MEIKIN: variants seen among roughly 807,000 people sequenced by gnomAD.
MEIKIN encodes meiosis-specific kinetochore protein.
rs201749437 is a variant in MEIKIN, at chr5:131,886,793, T to A, written c.704-7745A>T. ...AGTGTAATTGTGGTGTGTAAACTACTCTTATCTCTTTATTTTTTATTTTTT... is the reference window on the plus strand; with the variant it reads ...AGTGTAATTGTGGTGTGTAAACTACACTTATCTCTTTATTTTTTATTTTTT... On this transcript the variant is annotated intron_variant, in intron 8 of 12. Coordinates refer to ENST00000442687, the MANE Select transcript of MEIKIN (RefSeq NM_001303622.2). 3.9e-5 allele frequency among the ~76,000 whole-genome samples: 6 copies of A among 152,238 alleles called. No homozygotes were observed. The East Asian group carries it at 1.2e-3, about 29-fold the overall frequency.
intron 8 of MEIKIN, among the ~76,000 whole-genome samples, chr5:131,882,129 G>A (rs1273781958): frequency 6.6e-6 from 1 of 152,036 alleles, no homozygotes; most frequent in Non-Finnish European, 1.5e-5. Flanking sequence ...ATATCTGCCT[G>A]TAAAATATAT....
chr5:131,855,515 G>A (rs936034385), intron 9 of MEIKIN, among the ~76,000 whole-genome samples: 3 of 151,700 alleles, frequency 2.0e-5, no homozygotes, highest in South Asian at 4.2e-4. Flanking sequence ...GCGAGGAAGC[G>A]ACAGGCCAAA....
intron 8 of MEIKIN, among the ~76,000 whole-genome samples, chr5:131,885,576 G>A (rs1000217463): frequency 1.3e-5 from 2 of 152,162 alleles, no homozygotes; most frequent in African/African-American, 4.8e-5. Flanking sequence ...TGGGCTTTGG[G>A]TGCCGCCTAA....
chr5:131,843,931 G>A (rs1749964351), intron 11 of MEIKIN, among the ~76,000 whole-genome samples: 1 of 152,160 alleles, frequency 6.6e-6, no homozygotes, highest in African/African-American at 2.4e-5. Flanking sequence ...AACTACCTGA[G>A]ACTGGGTAGT....
At chr5:131,903,969 A>AT (rs1380670686) in intron 8 of MEIKIN, among the ~76,000 whole-genome samples, 1 of 152,158 alleles carries the variant, frequency 6.6e-6, no homozygotes, top group East Asian at 1.9e-4. Flanking sequence ...TTAAAAAAAA[A>AT]CAAAAAAACA....
intron 11 of MEIKIN, among the ~76,000 whole-genome samples, chr5:131,837,911 A>G (rs1749839562): frequency 6.6e-6 from 1 of 152,108 alleles, no homozygotes; most frequent in Admixed American, 6.5e-5. Context: ...AGGAATGGTG[A>G]GAGAGGGCAT....
chr5:131,824,643 A>C (rs1000376025), intron 11 of MEIKIN, among the ~76,000 whole-genome samples: 1 of 152,240 alleles, frequency 6.6e-6, no homozygotes, highest in Non-Finnish European at 1.5e-5. Flanking sequence ...AAGGCTTAAG[A>C]AGCAGAATAG....
At chr5:131,885,705 C>T (rs1446364323) in intron 8 of MEIKIN, among the ~76,000 whole-genome samples, 2 of 152,162 alleles carry the variant, frequency 1.3e-5, no homozygotes, top group Non-Finnish European at 2.9e-5. Context: ...GCTAACTCTT[C>T]AGAGTCCAGA....
chr5:131,891,519 A>G (rs1357897436), intron 8 of MEIKIN, among the ~76,000 whole-genome samples: 1 of 152,144 alleles, frequency 6.6e-6, no homozygotes, highest in East Asian at 1.9e-4. Flanking sequence ...AGTCTGTTTT[A>G]TCAGAGACGA....
intron 9 of MEIKIN, among the ~76,000 whole-genome samples, chr5:131,876,365 C>T (rs1246290725): frequency 5.9e-5 from 9 of 151,680 alleles, no homozygotes; most frequent in Admixed American, 5.9e-4. Context: ...CAAAAGAAGA[C>T]ATTTATGCGG....
chr5:131,860,280 GTTTT>G (rs79369868), intron 9 of MEIKIN, among the ~76,000 whole-genome samples: 1 of 100,668 alleles, frequency 9.9e-6, no homozygotes, highest in East Asian at 3.0e-4. Flanking sequence ...TTTATGCCTA[GTTTT>G]TTTTTTTTTT....
intron 8 of MEIKIN, among the ~76,000 whole-genome samples, chr5:131,909,707 A>G (rs1018053866): frequency 1.3e-5 from 2 of 152,194 alleles, no homozygotes; most frequent in South Asian, 4.1e-4. Flanking sequence ...AGGAGCTCAC[A>G]CAACTCTATA....
intron 5 of MEIKIN, among the ~76,000 whole-genome samples, chr5:131,923,161 T>TACA (rs1240769867): frequency 2.0e-5 from 3 of 152,232 alleles, no homozygotes; most frequent in Non-Finnish European, 4.4e-5. Flanking sequence ...GTGCTGTGAT[T>TACA]ACAGGTGTGT....
Position 131,821,566 on chromosome 5 carries a change from G to A in MEIKIN, c.976-2703C>T, listed in dbSNP as rs182955638. Among the ~76,000 whole-genome samples the A allele has an allele frequency of 4.2e-3, 633 of 150,496 alleles. 3 individuals carry two copies. The highest frequency in any genetic ancestry group is 0.021 in the Middle Eastern group (6 of 288). On this transcript the variant is annotated intron_variant, in intron 11 of 12. Coordinates refer to ENST00000442687, the MANE Select transcript of MEIKIN (RefSeq NM_001303622.2). ...GTTTCTTTGTTGATTTTCTGTCTGGGAGATCTGTCCAATGCTGAAAATGGG... is the reference window on the plus strand; with the variant it reads ...GTTTCTTTGTTGATTTTCTGTCTGGAAGATCTGTCCAATGCTGAAAATGGG...
intron 9 of MEIKIN, among the ~76,000 whole-genome samples, chr5:131,859,269 T>C (rs1227331502): frequency 6.6e-6 from 1 of 152,216 alleles, no homozygotes; most frequent in African/African-American, 2.4e-5. Context: ...AGTTCCAGTA[T>C]GCTTAAGTCT....
intron 11 of MEIKIN, 73 bp from the exon 12 acceptor site, chr5:131,818,936 G>T: frequency 2.6e-6 from 1 of 390,982 alleles, no homozygotes; most frequent in South Asian, 1.4e-4. Context: ...TATTTCAAAT[G>T]CAACTAGTCT....
rs75868226 is a variant in MEIKIN, at chr5:131,866,255, T to C, written c.775-11421A>G. 4.7e-3 allele frequency among the ~76,000 whole-genome samples: 713 copies of C among 152,280 alleles called. 8 individuals are homozygous for C. Among genetic ancestry groups the C allele is most frequent in the African/African-American group, 0.016 (677 of 41,564 alleles). On this transcript the variant is annotated intron_variant, in intron 9 of 12. Coordinates refer to ENST00000442687, the MANE Select transcript of MEIKIN (RefSeq NM_001303622.2). ...AGCTGTGGTGGTAGTGGCAGGTTGA[T>C]TGAGCCTGATCTCAGACCCTGGGAA...
At chr5:131,820,892 G>A (rs1340081268) in intron 11 of MEIKIN, among the ~76,000 whole-genome samples, 2 of 151,864 alleles carry the variant, frequency 1.3e-5, no homozygotes, top group South Asian at 2.1e-4. Context: ...ATTTACTTGG[G>A]TCTTCTTTTT....
At chr5:131,936,897 A>C (rs1198322513) in intron 4 of MEIKIN, among the ~76,000 whole-genome samples, 2 of 151,992 alleles carry the variant, frequency 1.3e-5, no homozygotes, top group African/African-American at 4.8e-5. Context: ...CAAGAGTATA[A>C]ATTTCCTCTC....
Sources: gnomAD v4.1 joint callset for allele counts (sites outside exome capture counted in the v4.1 genomes callset) on GRCh38, gnomAD v4.1.1 for gene constraint, MANE v1.5 for transcripts, NCBI Gene and HGNC (gene_info 2026-07-23, HGNC 2026-07-21) for gene names.